The following TMEM87B variants were observed in gnomAD, a reference collection of about 807,000 sequenced individuals.
TMEM87B encodes transmembrane protein 87B.
TMEM87B carries 83 observed loss-of-function variants against 80.3 expected under a neutral mutation model. The ratio of observed to expected loss-of-function variants is 1.03; its 90% confidence interval spans 0.87 to 1.24. The LOEUF is 1.24. Ranked by LOEUF, TMEM87B falls within the 50% of genes most tolerant of loss-of-function variation. The probability of loss-of-function intolerance (pLI) is 0.00; values close to 1 mark genes in which losing one functional copy is unlikely to be tolerated. For synonymous variants in TMEM87B, 219 were observed against 230.5 expected, an observed-to-expected ratio of 0.95 and a Z score of 0.45; for missense variants, 625 against 674.4, an observed-to-expected ratio of 0.93 and a Z score of 0.81.
chr2:112,059,822 T>A (rs1221429425), intron 1 of TMEM87B, among the ~76,000 whole-genome samples, 155 bp from the exon 2 acceptor site: 1 of 152,094 alleles, frequency 6.6e-6, no homozygotes, highest in East Asian at 1.9e-4. Flanking sequence ...CATGACAAGG[T>A]TTTAAGCAAG....
chr2:112,069,749 C>T (rs1008545851), intron 4 of TMEM87B, among the ~76,000 whole-genome samples: 1 of 152,230 alleles, frequency 6.6e-6, no homozygotes, highest in Non-Finnish European at 1.5e-5. Flanking sequence ...AATTGCCACA[C>T]CGCTTTCCAC....
chr2:112,096,284 T>C (rs1170877882), intron 11 of TMEM87B, among the ~76,000 whole-genome samples: 1 of 152,156 alleles, frequency 6.6e-6, no homozygotes, highest in Non-Finnish European at 1.5e-5. Context: ...CCTGAGCCAA[T>C]ACACAGCCCT....
chr2:112,084,296 C>T (rs1056528963), intron 8 of TMEM87B, among the ~76,000 whole-genome samples: 4 of 152,202 alleles, frequency 2.6e-5, no homozygotes, highest in Admixed American at 6.5e-5. Flanking sequence ...TGCACTCTTT[C>T]GGAGAGCTCA....
At chr2:112,063,822 C>T (rs964100360) in intron 2 of TMEM87B, among the ~76,000 whole-genome samples, 1 of 152,176 alleles carries the variant, frequency 6.6e-6, no homozygotes, top group African/African-American at 2.4e-5. Flanking sequence ...CACAGGATGG[C>T]ACACAGGATG....
At chr2:112,098,418 C>T (rs559757711) in intron 13 of TMEM87B, among the ~76,000 whole-genome samples, 177 bp from the exon 14 acceptor site, 7 of 152,110 alleles carry the variant, frequency 4.6e-5, no homozygotes, top group Non-Finnish European at 7.4e-5. Flanking sequence ...CATTAAACAA[C>T]CCTTTAGAAA....
chr2:112,115,551 C>T (rs1414298270), intron 18 of TMEM87B, among the ~76,000 whole-genome samples: 1 of 152,214 alleles, frequency 6.6e-6, no homozygotes, highest in East Asian at 1.9e-4. Flanking sequence ...TTTTATGCTA[C>T]ATCTTTCTGT....
In TMEM87B at chr2:112,074,930, A is replaced by G. The variant is rs1337521476; in HGVS notation, c.469A>G (p.Ile157Val). The G allele has an allele frequency of 6.3e-7, 1 of 1,580,182 alleles. No homozygotes were observed. The highest frequency in any genetic ancestry group is 8.6e-7 in the Non-Finnish European group (1 of 1,158,950). ...PSLNNKELINIRNVSNQERSM... is the reference protein window; with the variant it reads ...PSLNNKELINVRNVSNQERSM... Reference sequence around the variant, plus strand: ...TTTCCAGAATAAAGAACTAATAAATATCAGAAATGTTTCAAACCAGGAAAG... The same window carrying G: ...TTTCCAGAATAAAGAACTAATAAATGTCAGAAATGTTTCAAACCAGGAAAG... The change falls in exon 5 of 19, where the codon ATC (isoleucine) becomes GTC (valine). Residue 157 changes from isoleucine to valine, a missense_variant. Physicochemically the swap from Ile to Val is conservative, Grantham distance 29. Coordinates refer to ENST00000283206, the MANE Select transcript of TMEM87B (RefSeq NM_032824.3).
chr2:112,107,396 A>G (rs1262185291), intron 16 of TMEM87B, among the ~76,000 whole-genome samples: 1 of 150,798 alleles, frequency 6.6e-6, no homozygotes, highest in East Asian at 1.9e-4. Flanking sequence ...TATTATCATC[A>G]TTTTTTTTAA....
At chr2:112,064,282 A>G (rs1185436619) in intron 3 of TMEM87B, 29 bp downstream of exon 3, 4 of 1,586,416 alleles carry the variant, frequency 2.5e-6, no homozygotes, top group Non-Finnish European at 3.5e-6. Context: ...TTTAATGTAT[A>G]TAAAGCTATG....
At chr2:112,080,910 A>G (rs1027748409) in intron 6 of TMEM87B, 147 bp from the exon 7 acceptor site, 9 of 649,350 alleles carry the variant, frequency 1.4e-5, no homozygotes, top group Non-Finnish European at 2.4e-5. Flanking sequence ...TCAAACAAAT[A>G]CTAATTGTCC....
At chr2:112,058,102 C>T (rs1018922926) in intron 1 of TMEM87B, among the ~76,000 whole-genome samples, 25 of 152,176 alleles carry the variant, frequency 1.6e-4, no homozygotes, top group Non-Finnish European at 2.1e-4. Flanking sequence ...TCTGGGATTA[C>T]GGGCGTGAGC....
chr2:112,075,093 C>T lies in TMEM87B; in HGVS notation c.501+131C>T, dbSNP rs1678768256. Reference sequence around the variant, plus strand: ...TTAGAACTGTGGAAGGAAAAGGAAACATTATTTAAAACCGTATGTTTTCAG... The same window carrying T: ...TTAGAACTGTGGAAGGAAAAGGAAATATTATTTAAAACCGTATGTTTTCAG... On this transcript the variant is annotated intron_variant, in intron 5 of 18. Transcript: ENST00000283206. 7 of 1,375,680 alleles carry T rather than the reference C, an allele frequency of 5.1e-6. No individual in the cohort carries two copies. In the Admixed American group the frequency reaches 2.5e-4, roughly 49 times the overall value. The allele number at this position is 1,375,680 out of a possible 1,614,324, so 85.2% of individuals were successfully genotyped here.
chr2:112,095,556 G>T, intron 11 of TMEM87B: 1 of 770,716 alleles, frequency 1.3e-6, no homozygotes, highest in Non-Finnish European at 1.6e-6. Context: ...ATTGTTAAAA[G>T]TATATGTTTT....
chr2:112,094,584 G>C (rs943802381), intron 11 of TMEM87B, among the ~76,000 whole-genome samples: 1 of 152,062 alleles, frequency 6.6e-6, no homozygotes, highest in Non-Finnish European at 1.5e-5. Flanking sequence ...TTTGAGTGGG[G>C]GTAATTTATT....
At chr2:112,064,013 C>T in intron 2 of TMEM87B, 149 bp from the exon 3 acceptor site, 2 of 614,206 alleles carry the variant, frequency 3.3e-6, no homozygotes, top group Non-Finnish European at 5.5e-6. Flanking sequence ...ATCTGTCTCA[C>T]TTTACAGTGA....
At chr2:112,113,585 G>A (rs910726745) in intron 18 of TMEM87B, among the ~76,000 whole-genome samples, 1 of 152,126 alleles carries the variant, frequency 6.6e-6, no homozygotes, top group Non-Finnish European at 1.5e-5. Context: ...GTTTGAGAAG[G>A]CCTTGCTGCA....
At chr2:112,068,653 G>A (rs919760014) in intron 4 of TMEM87B, among the ~76,000 whole-genome samples, 21 of 151,946 alleles carry the variant, frequency 1.4e-4, no homozygotes, top group African/African-American at 3.4e-4. Flanking sequence ...GCAGTGAGCC[G>A]AGATCATGCC....
At chr2:112,099,910 A>C (rs1194871198) in intron 14 of TMEM87B, among the ~76,000 whole-genome samples, 1 of 151,668 alleles carries the variant, frequency 6.6e-6, no homozygotes, top group Non-Finnish European at 1.5e-5. Flanking sequence ...ACCACAAAAA[A>C]AACAACTATC....
At chr2:112,102,367 G>A (rs1480990714) in intron 15 of TMEM87B, among the ~76,000 whole-genome samples, 3 of 152,098 alleles carry the variant, frequency 2.0e-5, no homozygotes, top group Admixed American at 6.5e-5. Context: ...TTAACATTCC[G>A]AAAATCACTC....
Sources: gnomAD v4.1 joint callset for allele counts (sites outside exome capture counted in the v4.1 genomes callset) on GRCh38, gnomAD v4.1.1 for gene constraint, MANE v1.5 for transcripts, NCBI Gene and HGNC (gene_info 2026-07-23, HGNC 2026-07-21) for gene names.